CHST9: variants seen among roughly 807,000 people sequenced by gnomAD.
CHST9 encodes carbohydrate sulfotransferase 9, also known as GalNAc-4-sulfotransferase 2.
Under a neutral mutation model 44.4 loss-of-function variants are expected in CHST9, and 41 were observed. That is an observed-to-expected ratio of 0.92 (90% CI 0.72 to 1.20). The LOEUF (loss-of-function observed/expected upper bound fraction) is 1.20. CHST9 is among the 50% of genes most tolerant of loss of function. The pLI is 0.00. For synonymous variants in CHST9, 171 were observed against 178.4 expected (o/e 0.96, Z 0.33); for missense variants, 504 against 516.5 (o/e 0.98, Z 0.23).
chr18:27,071,105 C>T (rs79079377), intron 2 of CHST9, among the ~76,000 whole-genome samples: 140 of 152,298 alleles, frequency 9.2e-4, no homozygotes, highest in Middle Eastern at 3.4e-3. Context: ...TATCCTTCCA[C>T]CCTGGTGGCC....
intron 3 of CHST9, among the ~76,000 whole-genome samples, chr18:27,046,553 A>G (rs1428892720): frequency 1.3e-5 from 2 of 151,306 alleles, no homozygotes; most frequent in Non-Finnish European, 2.9e-5. Context: ...GATGTAAAAA[A>G]TTCCAAGCAG....
chr18:26,955,048 G>A (rs168094), intron 4 of CHST9, among the ~76,000 whole-genome samples: 97,864 of 151,824 alleles, frequency 0.64, 31,976 homozygotes, highest in African/African-American at 0.74. Flanking sequence ...ATGAAAGAAA[G>A]GGTACATGGG....
chr18:27,026,055 AT>A (rs1429145587), intron 3 of CHST9, among the ~76,000 whole-genome samples: 1 of 152,222 alleles, frequency 6.6e-6, no homozygotes, highest in Non-Finnish European at 1.5e-5. Flanking sequence ...CTTTTAAGCT[AT>A]CTGACTTATA....
chr18:27,129,046 G>A (rs989776471), intron 2 of CHST9, among the ~76,000 whole-genome samples: 1 of 152,180 alleles, frequency 6.6e-6, no homozygotes, highest in Non-Finnish European at 1.5e-5. Context: ...AACCCAGGCA[G>A]AATCATGCAG....
intron 1 of CHST9, among the ~76,000 whole-genome samples, chr18:27,155,834 T>C (rs989515193): frequency 6.6e-6 from 1 of 151,996 alleles, no homozygotes; most frequent in Non-Finnish European, 1.5e-5. Context: ...AATGGACAAA[T>C]AGTGTTATGA....
intron 1 of CHST9, among the ~76,000 whole-genome samples, chr18:27,177,044 T>C: frequency 6.6e-6 from 1 of 152,036 alleles, no homozygotes; most frequent in East Asian, 1.9e-4. Flanking sequence ...TACCAGTGCA[T>C]CTAGCTGAAT....
intron 1 of CHST9, among the ~76,000 whole-genome samples, chr18:27,166,015 C>A (rs1009443587): frequency 1.3e-5 from 2 of 152,168 alleles, no homozygotes; most frequent in African/African-American, 4.8e-5. Flanking sequence ...AAAGGCTTCA[C>A]AATCCTGGCT....
intron 4 of CHST9, among the ~76,000 whole-genome samples, chr18:26,963,449 T>G (rs2056425701): frequency 6.6e-6 from 1 of 152,006 alleles, no homozygotes; most frequent in African/African-American, 2.4e-5. Flanking sequence ...GGTCTATTTT[T>G]AAGAACACAA....
chr18:27,104,779 A>G (rs1019799966), intron 2 of CHST9, among the ~76,000 whole-genome samples: 1 of 152,214 alleles, frequency 6.6e-6, no homozygotes, highest in Admixed American at 6.5e-5. Context: ...AAACAATTAT[A>G]GCCCACAGAT....
At chr18:27,122,779 T>G (rs1358935610) in intron 2 of CHST9, among the ~76,000 whole-genome samples, 25 of 152,164 alleles carry the variant, frequency 1.6e-4, no homozygotes, top group Non-Finnish European at 7.3e-5. Flanking sequence ...AGTGCCAAGG[T>G]TTATTTTGGT....
chr18:27,101,158 G>A (rs1372868750), intron 2 of CHST9, among the ~76,000 whole-genome samples: 1 of 152,022 alleles, frequency 6.6e-6, no homozygotes, highest in Non-Finnish European at 1.5e-5. Context: ...AAATATAATT[G>A]ATTTTCTTTG....
chr18:26,920,861 C>A (rs1367578785), intron 5 of CHST9, among the ~76,000 whole-genome samples: 1 of 152,194 alleles, frequency 6.6e-6, no homozygotes, highest in Non-Finnish European at 1.5e-5. Flanking sequence ...TCGTGTTTAA[C>A]CTGCCTGCCA....
intron 1 of CHST9, among the ~76,000 whole-genome samples, chr18:27,158,210 C>A (rs1158410714): frequency 1.3e-5 from 2 of 152,140 alleles, no homozygotes; most frequent in African/African-American, 4.8e-5. Context: ...CCCATCAACT[C>A]ATCATTTAAC....
At chr18:26,940,556 G>A (rs891610537) in intron 5 of CHST9, among the ~76,000 whole-genome samples, 1 of 152,184 alleles carries the variant, frequency 6.6e-6, no homozygotes, top group African/African-American at 2.4e-5. Context: ...GAGGCTAACA[G>A]GAGAGCCTCA....
At chr18:27,011,861 T>G (rs1291744019) in intron 4 of CHST9, among the ~76,000 whole-genome samples, 1 of 152,224 alleles carries the variant, frequency 6.6e-6, no homozygotes, top group Non-Finnish European at 1.5e-5. Flanking sequence ...CAGCAGGTGC[T>G]GGCCACTGGT....
intron 2 of CHST9, among the ~76,000 whole-genome samples, chr18:27,059,526 T>C (rs1284747299): frequency 6.6e-6 from 1 of 152,216 alleles, no homozygotes; most frequent in Non-Finnish European, 1.5e-5. Flanking sequence ...TTAGGAAAGG[T>C]AATGATATGA....
intron 4 of CHST9, among the ~76,000 whole-genome samples, chr18:27,003,530 G>A (rs2056977684): frequency 6.6e-6 from 1 of 152,158 alleles, no homozygotes; most frequent in Non-Finnish European, 1.5e-5. Context: ...CAGATAGGGT[G>A]TATAATATAG....
chr18:27,120,057 G>A (rs2058361576), intron 2 of CHST9, among the ~76,000 whole-genome samples: 1 of 152,176 alleles, frequency 6.6e-6, no homozygotes, highest in Non-Finnish European at 1.5e-5. Flanking sequence ...GAGGGGGAAA[G>A]GCCCCATCAA....
chr18:26,982,504 A>T (rs2056704169), intron 4 of CHST9, among the ~76,000 whole-genome samples: 1 of 152,172 alleles, frequency 6.6e-6, no homozygotes, highest in African/African-American at 2.4e-5. Context: ...CTTTTGGTTC[A>T]TTCAGCCATT....
Sources: gnomAD v4.1 joint callset for allele counts (sites outside exome capture counted in the v4.1 genomes callset) on GRCh38, gnomAD v4.1.1 for gene constraint, MANE v1.5 for transcripts, NCBI Gene and HGNC (gene_info 2026-07-23, HGNC 2026-07-21) for gene names.